Variants in LRRC71 observed in about 807,000 individuals in gnomAD.
LRRC71 encodes leucine rich repeat containing 71.
In LRRC71, 54 loss-of-function variants were observed where a neutral mutation model predicts 66.6. That is an observed-to-expected ratio of 0.81 (90% CI 0.65 to 1.02). The LOEUF (loss-of-function observed/expected upper bound fraction) is 1.02. LRRC71 is among the 50% of genes least tolerant of loss of function. LRRC71 has a pLI of 0.00. For synonymous variants in LRRC71, 323 were observed against 303.9 expected, an observed-to-expected ratio of 1.06 and a Z score of -0.65; for missense variants, 724 against 718.0, an observed-to-expected ratio of 1.01 and a Z score of -0.10.
chr1:156,929,536 TC>T, intron 10 of LRRC71, 99 bp from the exon 11 acceptor site: 2 of 1,549,906 alleles, frequency 1.3e-6, no homozygotes, highest in Non-Finnish European at 1.8e-6. Flanking sequence ...CCTTTGAAGT[TC>T]CCCCTAAGGC....
At chr1:156,928,482 C>CTCCTCCTCCTCTTCT (rs1424756059) in intron 9 of LRRC71, among the ~76,000 whole-genome samples, 4 of 125,484 alleles carry the variant, frequency 3.2e-5, no homozygotes, top group Non-Finnish European at 6.3e-5. Flanking sequence ...CTTCCTCTTC[C>CTCCTCCTCCTCTTCT]TCCTCCTCCT....
Position 156,930,099 on chromosome 1 carries a change from CTTT to C in LRRC71, c.1240+381_1240+383del, listed in dbSNP as rs5778012. 1.5e-4 allele frequency among the ~76,000 whole-genome samples: 17 copies of C among 113,154 alleles called. No individual in the cohort carries two copies. The South Asian group carries it at 2.4e-3, about 16-fold the overall frequency. The allele number at this position is 113,154 out of a possible 152,430, so 74.2% of individuals were successfully genotyped here. A position where few individuals can be genotyped will look rare whatever the true frequency, so the allele number is the denominator to read the frequency against. On this transcript the variant is annotated intron_variant, in intron 11 of 14. Coordinates refer to ENST00000337428, the MANE Select transcript of LRRC71 (RefSeq NM_144702.3). The stretch of plus-strand genomic sequence containing the variant: ...TTCTTTTCTTTCTTTCTTTCTCTCT[CTTT>C]TTTTTTTTTTGATGGATTCTCACTC...
chr1:156,934,537 A>ATG (rs763839185), downstream of LRRC71, among the ~76,000 whole-genome samples: 274 of 151,794 alleles, frequency 1.8e-3, 2 homozygotes, highest in African/African-American at 5.2e-3. Context: ...GTGTATATAT[A>ATG]TGTGTGTGTG....
intron 10 of LRRC71, 71 bp from the exon 11 acceptor site, chr1:156,929,565 G>A (rs1191818661): frequency 1.3e-6 from 2 of 1,535,232 alleles, no homozygotes; most frequent in Non-Finnish European, 1.8e-6. Flanking sequence ...CCTAACCTGG[G>A]CTCCTTCCCT....
At position 156,927,633 on chromosome 1, in the gene LRRC71, A is replaced by G; in HGVS notation, c.800A>G (p.Glu267Gly). The change falls in exon 7 of 15, where the codon GAG becomes GGG. Residue 267 changes from glutamate to glycine, a missense_variant. By Grantham distance (98) the Glu-to-Gly change is moderately conservative. Transcript: ENST00000337428. ...LNLGFNHIGD[E>G]GAGYIADGLR... ...CTGGGTTTCAACCACATCGGTGACG[A>G]GGGCGCAGGCTACATCGCGGACGTG... The G allele has an allele frequency of 1.2e-6, 2 of 1,604,554 alleles. No individual in the cohort carries two copies. The highest frequency in any genetic ancestry group is 2.2e-5 in the East Asian group (1 of 44,730).
At chr1:156,930,101 T>TC (rs1557793411) in intron 11 of LRRC71, among the ~76,000 whole-genome samples, 9 of 97,930 alleles carry the variant, frequency 9.2e-5, no homozygotes, top group African/African-American at 3.7e-4. Context: ...TTCTCTCTCT[T>TC]TTTTTTTTTT....
rs202242360 is a variant in LRRC71 at position 156,929,275 on chromosome 1, C to G, written c.997-5C>G. ...TCCCCCCTTCCCTCCCATTTGTGAG[C>G]ACAGCCCTCCTCCTCTCGACACGGG... On this transcript the variant is annotated splice_region_variant and splice_polypyrimidine_tract_variant and intron_variant, in intron 9 of 14. Transcript: ENST00000337428. The G allele has an allele frequency of 6.3e-7, 1 of 1,595,974 alleles. No homozygotes were observed. The highest frequency in any genetic ancestry group is 8.5e-7 in the Non-Finnish European group (1 of 1,171,068).
intron 6 of LRRC71, 56 bp downstream of exon 6, chr1:156,927,326 A>G (rs1653354089): frequency 1.3e-6 from 2 of 1,589,834 alleles, no homozygotes; most frequent in South Asian, 1.1e-5. Flanking sequence ...ATTCCAAGCC[A>G]TTTTTAGTCC....
At position 156,929,733 on chromosome 1, in the gene LRRC71, A is replaced by T; in HGVS notation, c.1240+4A>T. On this transcript the variant is annotated splice_donor_region_variant and intron_variant, in intron 11 of 14. Transcript: ENST00000337428. ...GCCACAAAGGCAGGCAAGGGGAGTA[A>T]GTGCGGGTGCCCCTGGGTGGCATCT... The T allele has an allele frequency of 2.6e-6, 4 of 1,558,084 alleles. No homozygotes were observed. Among genetic ancestry groups the T allele is most frequent in the Non-Finnish European group, 3.5e-6 (4 of 1,151,090 alleles).
chr1:156,921,053 G>A, intron 1 of LRRC71, 90 bp downstream of exon 1: 2 of 1,371,410 alleles, frequency 1.5e-6, no homozygotes, highest in Non-Finnish European at 1.9e-6. Flanking sequence ...GGTTATGGCT[G>A]AACTCATACA....
the LRRC71 span, chr1:156,938,782 TGGAA>T: frequency 9.0e-6 from 4 of 442,952 alleles, no homozygotes; most frequent in Non-Finnish European, 1.6e-5. Context: ...AAAATGCTGC[TGGAA>T]GGGAGGCAGA....
At chr1:156,930,744 C>T (rs948513218) in intron 12 of LRRC71, 127 bp downstream of exon 12, 3 of 874,358 alleles carry the variant, frequency 3.4e-6, no homozygotes, top group Non-Finnish European at 5.3e-6. Flanking sequence ...AGCCATTTGC[C>T]TTCAAATTTG....
chr1:156,923,241 C>T (rs1329773875), intron 1 of LRRC71, among the ~76,000 whole-genome samples: 2 of 152,146 alleles, frequency 1.3e-5, no homozygotes, highest in South Asian at 2.1e-4. Flanking sequence ...GCAGGGACTC[C>T]CATCCTATCT....
At chr1:156,928,176 G>A (rs1359604045) in intron 9 of LRRC71, among the ~76,000 whole-genome samples, 172 bp downstream of exon 9, 2 of 152,090 alleles carry the variant, frequency 1.3e-5, no homozygotes, top group East Asian at 3.9e-4. Flanking sequence ...CCTGCTGGGG[G>A]GGCTCTAATT....
In LRRC71 at chr1:156,929,377, C is replaced by G. The variant is rs369241615; in HGVS notation, c.1094C>G (p.Thr365Arg). ...GCATTGGTGGACAAGACAGACAAGA[C>G]GCAGACAATGAAAACCCCTAAGGGC... ...NSALVDKTDK[T>R]QTMKTPKGLG... The change falls in exon 10 of 15, where the codon ACG becomes AGG. Residue 365 changes from threonine (T) to arginine (R), a missense_variant. Thr to Arg is a moderately conservative substitution (Grantham distance 71). Transcript: ENST00000337428. 9.9e-6 allele frequency: 16 copies of G among 1,613,734 alleles called. No homozygotes were observed. In the South Asian group the frequency reaches 1.8e-4, roughly 18 times the overall value.
chr1:156,940,079 C>T, the LRRC71 span: 24 of 1,397,160 alleles, frequency 1.7e-5, no homozygotes, highest in African/African-American at 2.9e-5. Flanking sequence ...CATCTGTCTC[C>T]GCATCCATCT....
At chr1:156,940,044 C>A in the LRRC71 span, 1 of 1,456,536 alleles carries the variant, frequency 6.9e-7, no homozygotes, top group Non-Finnish European at 9.2e-7. Flanking sequence ...GGCCAACTAG[C>A]TGGTGGGGGT....
At chr1:156,924,618 GCAC>G in intron 3 of LRRC71, 22 bp from the exon 4 acceptor site, 1 of 1,551,660 alleles carries the variant, frequency 6.4e-7, no homozygotes, top group Non-Finnish European at 8.7e-7. Flanking sequence ...CAGGTCTGAG[GCAC>G]CTGCCTCCTC....
At chr1:156,930,050 C>CTTTCTTTCTCT (rs1553189686) in intron 11 of LRRC71, among the ~76,000 whole-genome samples, 10 of 135,864 alleles carry the variant, frequency 7.4e-5, no homozygotes, top group African/African-American at 2.9e-4. Flanking sequence ...CTTTCTCTTT[C>CTTTCTTTCTCT]TTTCTTTCTT....
Sources: allele counts gnomAD v4.1 joint callset (sites outside exome capture counted in the v4.1 genomes callset), GRCh38; gene constraint gnomAD v4.1.1; transcripts MANE v1.5; gene names NCBI Gene and HGNC (gene_info 2026-07-23, HGNC 2026-07-21).